The following NLGN1 variants were observed in gnomAD, a reference collection of about 807,000 sequenced individuals.
NLGN1 encodes neuroligin 1.
NLGN1 carries 12 observed loss-of-function variants against 65.5 expected under a neutral mutation model. The observed-to-expected ratio is 0.18, with a 90% CI of 0.12 to 0.30. NLGN1 has a LOEUF of 0.30. Among genes scored for constraint, NLGN1 ranks in the 10% least tolerant of loss-of-function variants. The probability of loss-of-function intolerance (pLI) is 1.00; values close to 1 mark genes in which losing one functional copy is unlikely to be tolerated. For synonymous variants in NLGN1, 350 were observed against 359.5 expected (o/e 0.97, Z 0.30); for missense variants, 750 against 1,007.1 (o/e 0.74, Z 3.46).
chr3:173,519,131 C>T (rs2149127812), intron 2 of NLGN1, among the ~76,000 whole-genome samples: 1 of 152,280 alleles, frequency 6.6e-6, no homozygotes, highest in South Asian at 2.1e-4. Context: ...GGTGATAAGC[C>T]TGCATGTGTG....
At chr3:174,085,174 G>C (rs1742997757) in intron 4 of NLGN1, among the ~76,000 whole-genome samples, 1 of 149,768 alleles carries the variant, frequency 6.7e-6, no homozygotes, top group Non-Finnish European at 1.5e-5. Flanking sequence ...AATGTTAGGT[G>C]TAGTTGTTAT....
At chr3:173,658,593 C>T (rs1264906532) in intron 3 of NLGN1, among the ~76,000 whole-genome samples, 1 of 151,994 alleles carries the variant, frequency 6.6e-6, no homozygotes, top group African/African-American at 2.4e-5. Context: ...GTTGTACAGT[C>T]TTACAGAACC....
intron 4 of NLGN1, among the ~76,000 whole-genome samples, chr3:174,265,785 A>ATT: frequency 7.3e-6 from 1 of 137,922 alleles, no homozygotes; most frequent in South Asian, 2.3e-4. Context: ...ATATATATGT[A>ATT]TATATATATA....
At chr3:173,599,859 C>G (rs1184766400) in intron 2 of NLGN1, among the ~76,000 whole-genome samples, 2 of 152,108 alleles carry the variant, frequency 1.3e-5, no homozygotes, top group South Asian at 4.1e-4. Context: ...AGCAGCAAAA[C>G]TTTGTCACCC....
rs184674397 is a variant in NLGN1 at position 173,515,725 on chromosome 3, G to A, written c.-321+80647G>A. ...ATTCAATTTTTACAATACCATTTGT[G>A]AAGAAATTATCGTTTATCCATTGTG... On this transcript the variant is annotated intron_variant, in intron 2 of 6. Coordinates refer to ENST00000457714, the Ensembl canonical transcript of NLGN1. Among the ~76,000 whole-genome samples, 657 of 152,136 alleles carry A rather than the reference G, an allele frequency of 4.3e-3. 2 individuals carry two copies. The highest frequency in any genetic ancestry group is 6.9e-3 in the Non-Finnish European group (471 of 67,922).
At chr3:174,104,454 C>T (rs1713266346) in intron 4 of NLGN1, among the ~76,000 whole-genome samples, 1 of 152,084 alleles carries the variant, frequency 6.6e-6, no homozygotes, top group Non-Finnish European at 1.5e-5. Flanking sequence ...ATGTGCTCAA[C>T]ACTGTGAAAC....
chr3:174,067,527 T>G (rs943618586), intron 4 of NLGN1, among the ~76,000 whole-genome samples: 1 of 152,178 alleles, frequency 6.6e-6, no homozygotes, highest in East Asian at 1.9e-4. Context: ...CTACCGTTAC[T>G]GAGTCAGATG....
chr3:174,133,226 A>AAAGTAACC (rs2152675521), intron 4 of NLGN1, among the ~76,000 whole-genome samples: 1 of 152,326 alleles, frequency 6.6e-6, no homozygotes, highest in East Asian at 1.9e-4. Flanking sequence ...AACCAAAGAA[A>AAAGTAACC]AAGTAACCAA....
intron 4 of NLGN1, among the ~76,000 whole-genome samples, chr3:174,052,248 A>T (rs77432066): frequency 6.6e-6 from 1 of 151,998 alleles, no homozygotes; most frequent in Non-Finnish European, 1.5e-5. Flanking sequence ...GGAAAACTCA[A>T]TGCAGCAGTC....
intron 3 of NLGN1, among the ~76,000 whole-genome samples, chr3:173,799,236 G>A (rs1408584653): frequency 1.3e-5 from 2 of 151,722 alleles, no homozygotes; most frequent in Non-Finnish European, 2.9e-5. Flanking sequence ...TTTTGCATGA[G>A]GATTATTAAA....
At chr3:174,073,167 G>A (rs1238142883) in intron 4 of NLGN1, among the ~76,000 whole-genome samples, 1 of 151,628 alleles carries the variant, frequency 6.6e-6, no homozygotes, top group Non-Finnish European at 1.5e-5. Context: ...TTTAGATACA[G>A]TGAGTTCAAG....
intron 3 of NLGN1, among the ~76,000 whole-genome samples, chr3:173,706,348 A>G (rs1483461078): frequency 1.3e-5 from 2 of 152,228 alleles, no homozygotes; most frequent in Non-Finnish European, 2.9e-5. Context: ...ATAATTATGC[A>G]TGATTAAGAT....
chr3:173,710,606 C>T (rs529672262), intron 3 of NLGN1, among the ~76,000 whole-genome samples: 40 of 152,240 alleles, frequency 2.6e-4, no homozygotes, highest in East Asian at 7.7e-4. Flanking sequence ...CCACAGCACA[C>T]GAGTGCAATG....
At position 173,809,387 on chromosome 3, in the gene NLGN1, A is replaced by G. The variant is rs1276131318; in HGVS notation, c.646+1555A>G. Among the ~76,000 whole-genome samples, 3 of 152,114 alleles carry G rather than the reference A, an allele frequency of 2.0e-5. No homozygotes were observed. In the East Asian group the frequency reaches 5.8e-4, roughly 29 times the overall value. On this transcript the variant is annotated intron_variant, in intron 4 of 6. Coordinates refer to ENST00000457714, the Ensembl canonical transcript of NLGN1. ...TAATATTTTCATGCATTGAATCTTA[A>G]TGGTAGTATTGTTGAGAGCTCAGTT...
chr3:173,706,123 A>G (rs970381388), intron 3 of NLGN1, among the ~76,000 whole-genome samples: 1 of 152,188 alleles, frequency 6.6e-6, no homozygotes, highest in Non-Finnish European at 1.5e-5. Flanking sequence ...AGAGCATGAG[A>G]GTTCCTTGTA....
At chr3:173,534,947 A>G (rs1320033798) in intron 2 of NLGN1, among the ~76,000 whole-genome samples, 1 of 152,210 alleles carries the variant, frequency 6.6e-6, no homozygotes, top group Admixed American at 6.5e-5. Flanking sequence ...TACTTTTATT[A>G]GTAAGCAGCT....
intron 4 of NLGN1, among the ~76,000 whole-genome samples, chr3:174,164,123 A>G (rs1246284973): frequency 6.6e-6 from 1 of 152,054 alleles, no homozygotes; most frequent in East Asian, 1.9e-4. Context: ...CTTTTTCATA[A>G]TAGCCATTTT....
At position 173,597,131 on chromosome 3, in the gene NLGN1, C is replaced by G. The variant is rs549917879; in HGVS notation, c.-320-7148C>G. Among the ~76,000 whole-genome samples the G allele has an allele frequency of 2.6e-5, 4 of 152,298 alleles. No individual in the cohort carries two copies. The South Asian group carries it at 8.3e-4, about 32-fold the overall frequency. ...TCTGTGTGTTTCACTCTCCTCAGTTCCTCAACCTGAGCATAGGACTTTATT... is the reference window on the plus strand; with the variant it reads ...TCTGTGTGTTTCACTCTCCTCAGTTGCTCAACCTGAGCATAGGACTTTATT... On this transcript the variant is annotated intron_variant, in intron 2 of 6. Transcript: ENST00000457714.
intron 4 of NLGN1, among the ~76,000 whole-genome samples, chr3:173,837,414 A>T (rs1723855476): frequency 6.6e-6 from 1 of 152,210 alleles, no homozygotes; most frequent in African/African-American, 2.4e-5. Flanking sequence ...TTGGGACAGT[A>T]AACATAGACA....
Sources: allele counts gnomAD v4.1 joint callset (sites outside exome capture counted in the v4.1 genomes callset), GRCh38; gene constraint gnomAD v4.1.1; transcripts MANE v1.5; gene names NCBI Gene and HGNC (gene_info 2026-07-23, HGNC 2026-07-21).